IQCE: variants seen among roughly 807,000 people sequenced by gnomAD.
The protein encoded by IQCE is IQ domain-containing protein E.
A neutral mutation model predicts 96.0 loss-of-function variants in IQCE; 115 were observed. The observed-to-expected ratio is 1.20, with a 90% CI of 1.03 to 1.40. The LOEUF is 1.40. IQCE is among the 40% of genes most tolerant of loss of function. IQCE has a pLI of 0.00. For missense variants in IQCE, 1,041 were observed against 909.1 expected (o/e 1.15, Z -1.87); for synonymous variants, 412 against 371.2 (o/e 1.11, Z -1.26).
chr7:2,586,108 C>A, intron 11 of IQCE, 100 bp from the exon 12 acceptor site: 1 of 1,169,070 alleles, frequency 8.6e-7, no homozygotes, highest in Non-Finnish European at 1.2e-6. Flanking sequence ...TCTGAGCTCA[C>A]AACCAACAGA....
chr7:2,606,078 C>G, intron 20 of IQCE, 81 bp downstream of exon 20: 2 of 1,453,372 alleles, frequency 1.4e-6, no homozygotes, highest in South Asian at 2.8e-5. Context: ...GCACTGGGTG[C>G]AGGGCATGTG....
chr7:2,575,163 G>A (rs1457085176), intron 6 of IQCE, among the ~76,000 whole-genome samples: 1 of 152,268 alleles, frequency 6.6e-6, no homozygotes, highest in African/African-American at 2.4e-5. Context: ...GACGCTCTGA[G>A]TGTTTCATCG....
intron 13 of IQCE, among the ~76,000 whole-genome samples, chr7:2,589,619 G>A (rs1455700155): frequency 1.3e-5 from 2 of 152,028 alleles, no homozygotes; most frequent in African/African-American, 4.8e-5. Context: ...AGTCGTTTGA[G>A]TCCCCTCCCC....
intron 1 of IQCE, among the ~76,000 whole-genome samples, chr7:2,562,593 CTTT>C (rs34651630): frequency 2.1e-5 from 3 of 142,348 alleles, no homozygotes; most frequent in African/African-American, 5.1e-5. Flanking sequence ...GTGAGGCCCC[CTTT>C]TTTTTTTTTT....
chr7:2,573,553 A>C (rs892060204), intron 6 of IQCE, 65 bp downstream of exon 6: 2 of 893,538 alleles, frequency 2.2e-6, no homozygotes, highest in Non-Finnish European at 3.7e-6. Flanking sequence ...AATGTATTAG[A>C]ACATCAGTGC....
rs1425143018 is a variant in IQCE, at chr7:2,565,805, T to C, written c.37-1311T>C. On this transcript the variant is annotated intron_variant, in intron 1 of 21. Transcript: ENST00000402050. ...TAAATAGGTGATATAAAAAATGATA[T>C]AAAAAATTTCAGTCAATGGCTGATT... Among the ~76,000 whole-genome samples, 3 of 152,336 alleles carry C rather than the reference T, an allele frequency of 2.0e-5. No homozygotes were observed. In the East Asian group the frequency reaches 5.8e-4, roughly 29 times the overall value.
In IQCE at chr7:2,602,408, G is replaced by A. The variant is rs562801839; in HGVS notation, c.1632+944G>A. 2.6e-5 allele frequency among the ~76,000 whole-genome samples: 4 copies of A among 152,310 alleles called. No homozygotes were observed. The East Asian group carries it at 7.7e-4, about 29-fold the overall frequency. On this transcript the variant is annotated intron_variant, in intron 18 of 21. Transcript: ENST00000402050. The stretch of plus-strand genomic sequence containing the variant: ...CTGGAGTCCTGGTGGCCTCTGAGAT[G>A]CTCCCCTCTCCTCTAGGGCCCCTTC...
chr7:2,586,697 T>C (rs1583457238), intron 12 of IQCE, among the ~76,000 whole-genome samples: 1 of 151,046 alleles, frequency 6.6e-6, no homozygotes, highest in Non-Finnish European at 1.5e-5. Context: ...GTGAGGCAGG[T>C]GGTGTGTGCA....
At chr7:2,559,967 T>C (rs1274769842) in intron 1 of IQCE, among the ~76,000 whole-genome samples, 1 of 152,232 alleles carries the variant, frequency 6.6e-6, no homozygotes, top group Non-Finnish European at 1.5e-5. Context: ...CAGACCAGCC[T>C]GGGCAACATC....
At chr7:2,578,858 C>T (rs2917742) in intron 8 of IQCE, among the ~76,000 whole-genome samples, 27,950 of 151,962 alleles carry the variant, frequency 0.18, 2,803 homozygotes, top group East Asian at 0.33. Flanking sequence ...GTCAGGAGTT[C>T]GAGACCAGCC....
chr7:2,576,266 C>G (rs1443955907), intron 6 of IQCE, among the ~76,000 whole-genome samples: 1 of 152,160 alleles, frequency 6.6e-6, no homozygotes, highest in African/African-American at 2.4e-5. Flanking sequence ...AGGCTGGGAG[C>G]TGGTGAGCTG....
rs1483769653 is a variant in IQCE, at chr7:2,610,089, A to T, written c.2015A>T (p.Asp672Val). ...CAGGCCTTGGCACCTCTACCTGGGGATGACGTCAACTCCGATGATTCCGAC... is the reference window on the plus strand; with the variant it reads ...CAGGCCTTGGCACCTCTACCTGGGGTTGACGTCAACTCCGATGATTCCGAC... ...GPQALAPLPG[D>V]DVNSDDSDDI... The change falls in exon 22 of 22, where the codon GAT (aspartate) becomes GTT (valine). Residue 672 changes from aspartate (D) to valine (V), a missense_variant. By Grantham distance (152) the Asp-to-Val change is radical. Transcript: ENST00000402050. 6.2e-7 allele frequency: 1 copy of T among 1,613,020 alleles called. No individual in the cohort carries two copies. Among genetic ancestry groups the T allele is most frequent in the Non-Finnish European group, 8.5e-7 (1 of 1,179,028 alleles).
At chr7:2,594,524 G>C (rs557202267) in intron 15 of IQCE, among the ~76,000 whole-genome samples, 1 of 152,346 alleles carries the variant, frequency 6.6e-6, no homozygotes, top group East Asian at 1.9e-4. Flanking sequence ...CCTCCTAGAG[G>C]GTTGGGATCA....
chr7:2,573,436 C>T lies in IQCE; in HGVS notation c.413C>T (p.Pro138Leu). The stretch of plus-strand genomic sequence containing the variant: ...TCTCTAGGTCATGTCCCTGGGACTC[C>T]TGTCTACAGAGAAAAAGAAGATATG... ...SASNGHVPGT[P>L]VYREKEDMYD... The change falls in exon 6 of 22, where the codon CCT (proline) becomes CTT (leucine). Residue 138 changes from proline to leucine, a missense_variant. Transcript: ENST00000402050. The T allele has an allele frequency of 6.6e-7, 1 of 1,521,320 alleles. No homozygotes were observed. Among genetic ancestry groups the T allele is most frequent in the Non-Finnish European group, 9.1e-7 (1 of 1,096,134 alleles). 94.2% of individuals were successfully genotyped at this position (1,521,320 alleles called of 1,614,324 possible). A position where few individuals can be genotyped will look rare whatever the true frequency, so the allele number is the denominator to read the frequency against.
At chr7:2,564,174 T>C (rs1321650538) in intron 1 of IQCE, among the ~76,000 whole-genome samples, 2 of 152,064 alleles carry the variant, frequency 1.3e-5, no homozygotes, top group East Asian at 3.9e-4. Context: ...ATCATGCTAT[T>C]GCACCCCAGC....
intron 14 of IQCE, among the ~76,000 whole-genome samples, chr7:2,591,901 C>T (rs535671733): frequency 5.3e-5 from 8 of 151,300 alleles, no homozygotes; most frequent in African/African-American, 1.9e-4. Flanking sequence ...GGATTACAGG[C>T]GTGAGCCACC....
intron 2 of IQCE, among the ~76,000 whole-genome samples, chr7:2,568,041 T>C (rs1369519593): frequency 6.6e-6 from 1 of 152,148 alleles, no homozygotes; most frequent in East Asian, 1.9e-4. Flanking sequence ...CTCGGTCTAG[T>C]GCAAGGTGAT....
At chr7:2,597,209 T>G (rs1583490876) in intron 16 of IQCE, 1 of 452,676 alleles carries the variant, frequency 2.2e-6, no homozygotes, top group Admixed American at 2.4e-5. Context: ...CACAGGGTGG[T>G]CTTCAGCTGT....
rs1043731905 is a variant in IQCE at position 2,559,775 on chromosome 7, G to C, written c.36+558G>C. 2.3e-4 allele frequency among the ~76,000 whole-genome samples: 30 copies of C among 131,992 alleles called. 3 individuals carry two copies. The highest frequency in any genetic ancestry group is 1.2e-3 in the South Asian group (4 of 3,330). The allele number at this position is 131,992 out of a possible 152,430, so 86.6% of individuals were successfully genotyped here. ...TAAGCTGCATTCCAGTGGGGGGGGG[G>C]GGGGGGGCGGAGGGACAAGGTAATA... On this transcript the variant is annotated intron_variant, in intron 1 of 21. Coordinates refer to ENST00000402050, the MANE Select transcript of IQCE (RefSeq NM_152558.5).
Sources: gnomAD v4.1 joint callset for allele counts (sites outside exome capture counted in the v4.1 genomes callset) on GRCh38, gnomAD v4.1.1 for gene constraint, MANE v1.5 for transcripts, NCBI Gene and HGNC (gene_info 2026-07-23, HGNC 2026-07-21) for gene names.